MYO3B: variants seen among roughly 807,000 people sequenced by gnomAD.
The protein encoded by MYO3B is myosin IIIB, also known as myosin-IIIb.
MYO3B carries 156 observed loss-of-function variants against 174.6 expected under a neutral mutation model. That is an observed-to-expected ratio of 0.89 (90% CI 0.78 to 1.02). MYO3B has a LOEUF of 1.02. Ranked by LOEUF, MYO3B falls within the 50% of genes least tolerant of loss-of-function variation. The probability of loss-of-function intolerance (pLI) is 0.00; values close to 1 mark genes in which losing one functional copy is unlikely to be tolerated. For missense variants in MYO3B, 1,632 were observed against 1,639.4 expected, an observed-to-expected ratio of 1.00 and a Z score of 0.08; for synonymous variants, 563 against 569.1, an observed-to-expected ratio of 0.99 and a Z score of 0.15.
chr2:170,212,627 G>T (rs972897595), intron 3 of MYO3B, among the ~76,000 whole-genome samples: 4 of 107,616 alleles, frequency 3.7e-5, no homozygotes, highest in African/African-American at 1.4e-4. Flanking sequence ...GAATTTATTG[G>T]GAGAAAAGGA....
chr2:170,562,345 A>T (rs1215577877), intron 32 of MYO3B, among the ~76,000 whole-genome samples: 1 of 152,226 alleles, frequency 6.6e-6, no homozygotes, highest in Non-Finnish European at 1.5e-5. Context: ...TAAAAGAGTA[A>T]TGATAGTTCC....
chr2:170,329,317 A>C (rs1014014547), intron 7 of MYO3B, among the ~76,000 whole-genome samples: 3 of 152,004 alleles, frequency 2.0e-5, no homozygotes, highest in African/African-American at 7.3e-5. Context: ...AAGGTCTAAA[A>C]GAATATAACC....
chr2:170,200,901 C>T (rs116802332), intron 3 of MYO3B, among the ~76,000 whole-genome samples: 115 of 152,312 alleles, frequency 7.6e-4, no homozygotes, highest in Non-Finnish European at 1.4e-3. Context: ...ATCTCCACAT[C>T]AGCCAATCAT....
intron 32 of MYO3B, among the ~76,000 whole-genome samples, chr2:170,594,592 T>G (rs1037032424): frequency 6.6e-6 from 1 of 152,126 alleles, no homozygotes; most frequent in Non-Finnish European, 1.5e-5. Context: ...GAGAGGAACA[T>G]GATGGCTAAC....
intron 32 of MYO3B, among the ~76,000 whole-genome samples, chr2:170,635,017 G>C (rs1324604832): frequency 6.6e-6 from 1 of 152,172 alleles, no homozygotes; most frequent in Non-Finnish European, 1.5e-5. Flanking sequence ...GTTGGTGGGA[G>C]TGCAAACTAG....
At chr2:170,187,033 G>C (rs1240202912) in intron 1 of MYO3B, among the ~76,000 whole-genome samples, 5 of 148,048 alleles carry the variant, frequency 3.4e-5, no homozygotes, top group Non-Finnish European at 6.0e-5. Flanking sequence ...CTGGCTAAAG[G>C]TTTGTCAATT....
At chr2:170,374,766 C>CACAT (rs1276029673) in intron 9 of MYO3B, among the ~76,000 whole-genome samples, 1,530 of 141,984 alleles carry the variant, frequency 0.011, 40 homozygotes, top group East Asian at 0.073. Context: ...CATACACACA[C>CACAT]ACACACACAC....
intron 17 of MYO3B, 69 bp from the exon 18 acceptor site, chr2:170,401,412 T>C (rs188905377): frequency 6.9e-7 from 1 of 1,442,602 alleles, no homozygotes; most frequent in Non-Finnish European, 9.7e-7. Context: ...AGATGTTGAA[T>C]AAATGCTGAA....
chr2:170,326,371 G>A (rs1574790251), intron 7 of MYO3B, among the ~76,000 whole-genome samples: 1 of 152,240 alleles, frequency 6.6e-6, no homozygotes, highest in Non-Finnish European at 1.5e-5. Flanking sequence ...AAAAAGAACA[G>A]GGTTGTGGTT....
chr2:170,413,847 A>G (rs912352518), intron 22 of MYO3B, among the ~76,000 whole-genome samples: 4 of 151,864 alleles, frequency 2.6e-5, no homozygotes, highest in Admixed American at 1.3e-4. Context: ...AGACCATCCT[A>G]GCTAACATAG....
At chr2:170,308,847 G>T (rs2093718495) in intron 7 of MYO3B, among the ~76,000 whole-genome samples, 1 of 152,040 alleles carries the variant, frequency 6.6e-6, no homozygotes, top group South Asian at 2.1e-4. Context: ...TAGAAGGGGG[G>T]ACACAAATTC....
chr2:170,198,799 C>T (rs556961704), intron 1 of MYO3B, among the ~76,000 whole-genome samples: 16 of 152,032 alleles, frequency 1.1e-4, no homozygotes, highest in Non-Finnish European at 1.8e-4. Flanking sequence ...ATCAGGGAGC[C>T]CTCATGAAGG....
At position 170,356,210 on chromosome 2, in the gene MYO3B, C is replaced by G. The variant is rs191328343; in HGVS notation, c.816-13012C>G. 3.6e-3 allele frequency among the ~76,000 whole-genome samples: 553 copies of G among 152,048 alleles called. 1 individual carries two copies. Among genetic ancestry groups the G allele is most frequent in the African/African-American group, 0.012 (516 of 41,480 alleles). ...TCTCCTGACCTCGTGATCCGCCCAC[C>G]TCGGCCTCCCAAAGTGCTGGGATTA... On this transcript the variant is annotated intron_variant, in intron 8 of 34. Coordinates refer to ENST00000408978, the MANE Select transcript of MYO3B (RefSeq NM_138995.5).
At chr2:170,188,142 G>T (rs1306774738) in intron 1 of MYO3B, among the ~76,000 whole-genome samples, 2 of 152,006 alleles carry the variant, frequency 1.3e-5, no homozygotes, top group East Asian at 3.9e-4. Flanking sequence ...TTCAGTGTTA[G>T]GTGCATATAT....
In MYO3B at chr2:170,404,389, A is replaced by G; in HGVS notation, c.2420A>G (p.Gln807Arg). 6.2e-7 allele frequency: 1 copy of G among 1,609,920 alleles called. No individual in the cohort carries two copies. Among genetic ancestry groups the G allele is most frequent in the Middle Eastern group, 1.7e-4 (1 of 6,038 alleles). Residue 807 changes from glutamine to arginine, a missense_variant, in exon 20 of 35, where the codon CAG becomes CGG. Transcript: ENST00000408978. Reference sequence around the variant, plus strand: ...AGTCGGTTTCCCCAAGCAACTGACCAGACCCTGGTTGGTAGGTAACTTCTG... The same window carrying G: ...AGTCGGTTTCCCCAAGCAACTGACCGGACCCTGGTTGGTAGGTAACTTCTG... Reference protein sequence around the residue: ...EESRFPQATDQTLVDKFEDNL... With the variant: ...EESRFPQATDRTLVDKFEDNL...
intron 22 of MYO3B, among the ~76,000 whole-genome samples, chr2:170,416,590 A>C (rs1271137680): frequency 6.8e-6 from 1 of 147,400 alleles, no homozygotes; most frequent in Non-Finnish European, 1.5e-5. Context: ...TTTCCACTGG[A>C]TCCTCATCAC....
chr2:170,408,124 T>C (rs1329788373), intron 22 of MYO3B, among the ~76,000 whole-genome samples: 1 of 152,246 alleles, frequency 6.6e-6, no homozygotes, highest in Non-Finnish European at 1.5e-5. Flanking sequence ...CTTTTCATTC[T>C]TCCCTTTATA....
At chr2:170,459,422 C>T (rs560782605) in intron 23 of MYO3B, among the ~76,000 whole-genome samples, 91 of 152,302 alleles carry the variant, frequency 6.0e-4, no homozygotes, top group African/African-American at 2.1e-3. Context: ...TTCTCCAAGT[C>T]CCCACTAGAT....
chr2:170,648,940 AAT>A (rs1211257452), intron 32 of MYO3B, among the ~76,000 whole-genome samples: 4 of 104,564 alleles, frequency 3.8e-5, no homozygotes, highest in South Asian at 6.0e-4. Flanking sequence ...TATGATATAT[AAT>A]ATATATAAAA....
Sources: allele counts gnomAD v4.1 joint callset (sites outside exome capture counted in the v4.1 genomes callset), GRCh38; gene constraint gnomAD v4.1.1; transcripts MANE v1.5; gene names NCBI Gene and HGNC (gene_info 2026-07-23, HGNC 2026-07-21).